Variants in SGCD observed in about 807,000 individuals in gnomAD.
The protein encoded by SGCD is sarcoglycan delta.
A neutral mutation model predicts 36.6 loss-of-function variants in SGCD; 18 were observed. The observed-to-expected ratio is 0.49, with a 90% confidence interval of 0.34 to 0.73. SGCD has a LOEUF of 0.73. Ranked by LOEUF, SGCD falls within the 30% of genes least tolerant of loss-of-function variation. The probability of loss-of-function intolerance (pLI) is 0.01; values close to 1 mark genes in which losing one functional copy is unlikely to be tolerated. For synonymous variants in SGCD, 133 were observed against 130.6 expected, an observed-to-expected ratio of 1.02 and a Z score of -0.12; for missense variants, 387 against 346.7, an observed-to-expected ratio of 1.12 and a Z score of -0.92.
chr5:156,507,869 AG>A (rs1337090653), intron 3 of SGCD, among the ~76,000 whole-genome samples: 11 of 152,204 alleles, frequency 7.2e-5, no homozygotes. Context: ...AATTATAGAG[AG>A]AAAAAAACAT....
rs561819957 is a variant in SGCD at position 156,189,245 on chromosome 5, T to C, written c.-44+65226T>C. 3.3e-5 allele frequency among the ~76,000 whole-genome samples: 5 copies of C among 152,262 alleles called. No individual in the cohort carries two copies. The East Asian group carries it at 5.8e-4, about 18-fold the overall frequency. On this transcript the variant is annotated intron_variant, in intron 3 of 9. Transcript: ENST00000517913. Reference sequence around the variant, plus strand: ...ACGTGCTAGTGACACAGATGTTCTGTTTTTTTGGAGGCTGAAAACCTCTGG... The same window carrying C: ...ACGTGCTAGTGACACAGATGTTCTGCTTTTTTGGAGGCTGAAAACCTCTGG...
At chr5:155,777,823 T>G in the SGCD span, among the ~76,000 whole-genome samples, 21 of 152,156 alleles carry the variant, frequency 1.4e-4, no homozygotes, top group Non-Finnish European at 1.5e-5. Context: ...ATTCAATCCA[T>G]ATGCTCAACA....
chr5:156,547,711 G>A (rs980247956), intron 4 of SGCD, among the ~76,000 whole-genome samples: 7 of 152,002 alleles, frequency 4.6e-5, no homozygotes, highest in Admixed American at 3.9e-4. Context: ...CAAAGTGCTG[G>A]GATTACAGGC....
chr5:155,822,632 G>A, the SGCD span, among the ~76,000 whole-genome samples: 3 of 152,180 alleles, frequency 2.0e-5, no homozygotes, highest in Non-Finnish European at 4.4e-5. Context: ...ATTCTGAAGT[G>A]TTTCTTCTTA....
intron 7 of SGCD, among the ~76,000 whole-genome samples, chr5:156,717,386 A>T (rs1254689024): frequency 6.6e-6 from 1 of 152,114 alleles, no homozygotes. Flanking sequence ...CTTCAAAACC[A>T]TGACGCTCCC....
At chr5:156,511,577 C>T (rs1483351804) in intron 4 of SGCD, among the ~76,000 whole-genome samples, 1 of 152,196 alleles carries the variant, frequency 6.6e-6, no homozygotes, top group Non-Finnish European at 1.5e-5. Flanking sequence ...ATTGAGGGCT[C>T]CTTCTGTTCA....
intron 6 of SGCD, among the ~76,000 whole-genome samples, chr5:156,605,502 T>C (rs1761399595): frequency 6.6e-6 from 1 of 152,250 alleles, no homozygotes; most frequent in African/African-American, 2.4e-5. Context: ...AGTGCTGCAA[T>C]AAAAATACGT....
rs921622328 is a variant in SGCD at position 156,456,685 on chromosome 5, C to T, written c.193-51916C>T. On this transcript the variant is annotated intron_variant, in intron 3 of 8. Coordinates refer to ENST00000337851, the MANE Select transcript of SGCD (RefSeq NM_000337.6). ...GGAAGAGCTGAGGAAAGTTTCTCTC[C>T]TCCAGGCTTTAGAGGGATTGTGGTT... 1.2e-4 allele frequency among the ~76,000 whole-genome samples: 18 copies of T among 152,292 alleles called. No homozygotes were observed. The East Asian group carries it at 3.5e-3, about 29-fold the overall frequency.
At chr5:155,894,218 C>T (rs1209635683) in intron 1 of SGCD, among the ~76,000 whole-genome samples, 1 of 152,164 alleles carries the variant, frequency 6.6e-6, no homozygotes, top group Admixed American at 6.5e-5. Context: ...CTTATTGTAA[C>T]TTTTTAAAAA....
intron 1 of SGCD, among the ~76,000 whole-genome samples, chr5:155,964,016 A>G (rs1040341607): frequency 1.3e-5 from 2 of 152,044 alleles, no homozygotes; most frequent in African/African-American, 2.4e-5. Flanking sequence ...ATGCATGCAA[A>G]AGTCAATGGC....
chr5:156,345,185 C>A (rs1303995988), intron 3 of SGCD, among the ~76,000 whole-genome samples: 11 of 151,992 alleles, frequency 7.2e-5, no homozygotes, highest in Admixed American at 7.2e-4. Context: ...GGAGGACGAT[C>A]CTCTTTGCCA....
intron 3 of SGCD, among the ~76,000 whole-genome samples, chr5:156,146,076 A>G (rs1370654686): frequency 1.3e-5 from 2 of 151,982 alleles, no homozygotes; most frequent in Admixed American, 6.6e-5. Flanking sequence ...AGCTGGGCGT[A>G]GTTGTGGGCG....
intron 7 of SGCD, among the ~76,000 whole-genome samples, chr5:156,706,223 CTTA>C (rs1754735062): frequency 6.6e-6 from 1 of 151,960 alleles, no homozygotes; most frequent in South Asian, 2.1e-4. Flanking sequence ...ATAGCATAAA[CTTA>C]TTATCAGTTA....
intron 1 of SGCD, among the ~76,000 whole-genome samples, chr5:156,032,310 AC>A (rs1299723174): frequency 6.6e-6 from 1 of 151,842 alleles, no homozygotes; most frequent in Non-Finnish European, 1.5e-5. Context: ...ATTGAGACTC[AC>A]CCTGTCTATG....
intron 1 of SGCD, among the ~76,000 whole-genome samples, chr5:156,030,739 G>T (rs888033318): frequency 2.0e-5 from 3 of 151,966 alleles, no homozygotes; most frequent in Non-Finnish European, 4.4e-5. Context: ...GAAGTTTCAT[G>T]GGGGGGCCCT....
chr5:156,448,731 CTTTTTTT>C (rs1158844774), intron 3 of SGCD, among the ~76,000 whole-genome samples: 848 of 76,032 alleles, frequency 0.011, 3 homozygotes, highest in Middle Eastern at 0.033. Flanking sequence ...TTTTCTTTTT[CTTTTTTT>C]TTTTTTTTTT....
intron 3 of SGCD, among the ~76,000 whole-genome samples, chr5:156,468,380 G>A (rs941507290): frequency 1.3e-5 from 2 of 150,302 alleles, no homozygotes; most frequent in Non-Finnish European, 3.0e-5. Context: ...AATTGTTTAT[G>A]GCCACTAAGA....
intron 1 of SGCD, among the ~76,000 whole-genome samples, chr5:156,030,359 G>A (rs1303512941): frequency 1.3e-5 from 2 of 152,144 alleles, no homozygotes; most frequent in Non-Finnish European, 2.9e-5. Context: ...GCTTAATAAT[G>A]TTCTTATAAG....
rs182170843 is a variant in SGCD, at chr5:156,471,427, T to C, written c.193-37174T>C. Among the ~76,000 whole-genome samples, 64 of 152,260 alleles carry C rather than the reference T, an allele frequency of 4.2e-4. 1 individual carries two copies. Among genetic ancestry groups the C allele is most frequent in the African/African-American group, 1.4e-3 (60 of 41,578 alleles). On this transcript the variant is annotated intron_variant, in intron 3 of 8. Coordinates refer to ENST00000337851, the MANE Select transcript of SGCD (RefSeq NM_000337.6). ...CTAAAGAATTAAGATAGGTATGATG[T>C]TGGCAAAAGAACTAATAAATTGAAT...
Sources: gnomAD v4.1 joint callset for allele counts (sites outside exome capture counted in the v4.1 genomes callset) on GRCh38, gnomAD v4.1.1 for gene constraint, MANE v1.5 for transcripts, NCBI Gene and HGNC (gene_info 2026-07-23, HGNC 2026-07-21) for gene names.